The following DMRT1 variants were observed in gnomAD, a reference collection of about 807,000 sequenced individuals.
DMRT1 encodes the protein doublesex and mab-3 related transcription factor 1.
A neutral mutation model predicts 32.3 loss-of-function variants in DMRT1; 7 were observed. That is an observed-to-expected ratio of 0.22 (90% CI 0.12 to 0.41). The LOEUF (loss-of-function observed/expected upper bound fraction) is 0.41, where lower values mean the gene tolerates loss of function less well. DMRT1 is among the 10% of genes least tolerant of loss of function. The pLI, the probability that DMRT1 is intolerant of heterozygous loss-of-function variation, is 1.00. For missense variants in DMRT1, 625 were observed against 500.5 expected, an observed-to-expected ratio of 1.25 and a Z score of -2.37; for synonymous variants, 278 against 206.1, an observed-to-expected ratio of 1.35 and a Z score of -2.99.
chr9:906,002 C>T (rs181569842), intron 3 of DMRT1, among the ~76,000 whole-genome samples: 173 of 146,400 alleles, frequency 1.2e-3, no homozygotes, highest in Non-Finnish European at 1.8e-3. Flanking sequence ...GGCATGCTGT[C>T]TCTCAAGATG....
At chr9:959,630 C>T (rs891275997) in intron 4 of DMRT1, among the ~76,000 whole-genome samples, 2 of 152,106 alleles carry the variant, frequency 1.3e-5, no homozygotes, top group South Asian at 2.1e-4. Flanking sequence ...TGGGTTGAAG[C>T]GATTCTCCTG....
At chr9:857,976 A>G (rs1589455573) in intron 2 of DMRT1, among the ~76,000 whole-genome samples, 2 of 152,016 alleles carry the variant, frequency 1.3e-5, no homozygotes, top group African/African-American at 2.4e-5. Flanking sequence ...TTATGGCTGC[A>G]TAGTATTCCA....
chr9:884,368 C>CA (rs5895870), intron 2 of DMRT1, among the ~76,000 whole-genome samples: 77,104 of 138,118 alleles, frequency 0.56, 22,232 homozygotes, highest in South Asian at 0.69. Flanking sequence ...CATGTTAGTG[C>CA]AAAAAAAAAA....
At chr9:879,784 A>G (rs1385278723) in intron 2 of DMRT1, among the ~76,000 whole-genome samples, 1 of 152,186 alleles carries the variant, frequency 6.6e-6, no homozygotes, top group East Asian at 1.9e-4. Context: ...AGACTCTCTT[A>G]TACTTTGGAT....
intron 2 of DMRT1, among the ~76,000 whole-genome samples, chr9:872,603 T>C (rs934314219): frequency 6.6e-6 from 1 of 152,228 alleles, no homozygotes; most frequent in Non-Finnish European, 1.5e-5. Flanking sequence ...TCTGACTTCT[T>C]CCACTTAGCA....
intron 2 of DMRT1, among the ~76,000 whole-genome samples, chr9:880,004 T>C (rs1816666733): frequency 6.6e-6 from 1 of 152,252 alleles, no homozygotes. Context: ...ATAAATTTTC[T>C]AAAATTCTAA....
intron 3 of DMRT1, among the ~76,000 whole-genome samples, chr9:911,314 G>C (rs1817967338): frequency 6.6e-6 from 1 of 152,016 alleles, no homozygotes; most frequent in South Asian, 2.1e-4. Flanking sequence ...AGAACTACTG[G>C]TTTAAAGTAA....
chr9:899,598 G>C (rs1314768123), intron 3 of DMRT1, among the ~76,000 whole-genome samples: 1 of 152,200 alleles, frequency 6.6e-6, no homozygotes, highest in African/African-American at 2.4e-5. Flanking sequence ...AATAACATTT[G>C]TGACACTGGA....
At chr9:883,168 C>T (rs73374703) in intron 2 of DMRT1, among the ~76,000 whole-genome samples, 7,413 of 151,828 alleles carry the variant, frequency 0.049, 301 homozygotes, top group African/African-American at 0.11. Context: ...GAACCAAGCC[C>T]GCTCCTATCT....
intron 1 of DMRT1, among the ~76,000 whole-genome samples, chr9:844,702 T>C (rs1295126342): frequency 6.7e-6 from 1 of 148,976 alleles, no homozygotes; most frequent in Non-Finnish European, 1.5e-5. Flanking sequence ...ATTGTAGTTG[T>C]TTTTCTTTCT....
chr9:893,874 A>G (rs1454429791), intron 2 of DMRT1, 38 bp from the exon 3 acceptor site: 2 of 1,592,742 alleles, frequency 1.3e-6, no homozygotes, highest in Non-Finnish European at 1.7e-6. Context: ...GACTAACATT[A>G]ATACCATGTT....
intron 2 of DMRT1, among the ~76,000 whole-genome samples, chr9:862,447 G>A (rs1053988563): frequency 6.6e-5 from 10 of 151,256 alleles, no homozygotes; most frequent in African/African-American, 1.7e-4. Context: ...CCGAGATGGC[G>A]GCAGCACAGT....
intron 4 of DMRT1, among the ~76,000 whole-genome samples, chr9:927,546 A>C (rs1818568554): frequency 6.6e-6 from 1 of 152,200 alleles, no homozygotes; most frequent in Non-Finnish European, 1.5e-5. Flanking sequence ...GTTATGTCAG[A>C]ATTTGGCTGT....
At chr9:877,207 C>G (rs1816540264) in intron 2 of DMRT1, among the ~76,000 whole-genome samples, 1 of 152,170 alleles carries the variant, frequency 6.6e-6, no homozygotes, top group Non-Finnish European at 1.5e-5. Context: ...GTAGAATCAC[C>G]TTCTTTTAAT....
intron 2 of DMRT1, among the ~76,000 whole-genome samples, chr9:858,948 C>G (rs773207511): frequency 6.6e-6 from 1 of 151,496 alleles, no homozygotes; most frequent in Non-Finnish European, 1.5e-5. Context: ...GGTACATTCA[C>G]CATAATGTGC....
chr9:953,599 C>T (rs10491582), intron 4 of DMRT1, among the ~76,000 whole-genome samples: 11,748 of 152,206 alleles, frequency 0.077, 901 homozygotes, highest in East Asian at 0.19. Context: ...TCGTTGCCAC[C>T]TCTGTTGTTG....
intron 2 of DMRT1, among the ~76,000 whole-genome samples, chr9:891,262 C>G (rs1314468422): frequency 6.7e-6 from 1 of 149,822 alleles, no homozygotes; most frequent in Admixed American, 6.7e-5. Context: ...GCCTGGCCAA[C>G]ATGGTGAAAC....
chr9:922,268 A>G (rs754267995), intron 4 of DMRT1, among the ~76,000 whole-genome samples: 5 of 152,158 alleles, frequency 3.3e-5, no homozygotes, highest in Non-Finnish European at 7.4e-5. Flanking sequence ...TGGAAAAAAA[A>G]AAGTTTAAAG....
intron 4 of DMRT1, among the ~76,000 whole-genome samples, chr9:959,508 A>ATTG (rs143409687): frequency 1.3e-5 from 2 of 152,034 alleles, no homozygotes; most frequent in Admixed American, 6.5e-5. Flanking sequence ...AACTGGTTTT[A>ATTG]TTGTTGTTGT....
Sources: gnomAD v4.1 joint callset for allele counts (sites outside exome capture counted in the v4.1 genomes callset) on GRCh38, gnomAD v4.1.1 for gene constraint, MANE v1.5 for transcripts, NCBI Gene and HGNC (gene_info 2026-07-23, HGNC 2026-07-21) for gene names.